The following LRRC7 variants were observed in gnomAD, a reference collection of about 807,000 sequenced individuals.
The protein encoded by LRRC7 is leucine rich repeat containing 7.
In LRRC7, 23 loss-of-function variants were observed where a neutral mutation model predicts 175.7. The ratio of observed to expected loss-of-function variants is 0.13; its 90% CI spans 0.09 to 0.19. The LOEUF is 0.19. Among genes scored for constraint, LRRC7 ranks in the 10% least tolerant of loss-of-function variants. LRRC7 has a pLI of 1.00. For missense variants in LRRC7, 1,354 were observed against 1,904.7 expected, an observed-to-expected ratio of 0.71 and a Z score of 5.38; for synonymous variants, 685 against 680.9, an observed-to-expected ratio of 1.01 and a Z score of -0.09.
intron 7 of LRRC7, among the ~76,000 whole-genome samples, chr1:69,918,780 G>T (rs1487684956): frequency 6.6e-6 from 1 of 152,104 alleles, no homozygotes; most frequent in Non-Finnish European, 1.5e-5. Flanking sequence ...GGAAACTACG[G>T]TCATATAAAT....
At chr1:69,960,885 G>A (rs1651003382) in intron 8 of LRRC7, among the ~76,000 whole-genome samples, 2 of 151,972 alleles carry the variant, frequency 1.3e-5, no homozygotes, top group Admixed American at 1.3e-4. Context: ...ATACTGAAGG[G>A]GCAAAAGCTG....
chr1:69,572,127 C>T (rs557198081), intron 1 of LRRC7, among the ~76,000 whole-genome samples: 3 of 152,144 alleles, frequency 2.0e-5, no homozygotes, highest in African/African-American at 7.2e-5. Context: ...AGCCGAGTTA[C>T]CATTAACTAA....
intron 7 of LRRC7, among the ~76,000 whole-genome samples, chr1:69,902,288 G>A (rs536309872): frequency 1.3e-4 from 20 of 152,198 alleles, no homozygotes; most frequent in Non-Finnish European, 2.1e-4. Context: ...CTTTAATTGG[G>A]ACCAGGTGTG....
chr1:69,650,012 G>A (rs182186674), intron 1 of LRRC7, among the ~76,000 whole-genome samples: 5 of 152,236 alleles, frequency 3.3e-5, no homozygotes, highest in Admixed American at 2.0e-4. Flanking sequence ...TACAGTTAGA[G>A]AATCCATCAA....
chr1:69,941,676 T>G (rs1238101799), intron 8 of LRRC7, among the ~76,000 whole-genome samples: 1 of 151,982 alleles, frequency 6.6e-6, no homozygotes, highest in African/African-American at 2.4e-5. Flanking sequence ...ACTACAAATT[T>G]TAAATTACAA....
rs1557842788 is a variant in LRRC7 at position 69,879,209 on chromosome 1, CT to C, written c.647+40929del. Among the ~76,000 whole-genome samples the C allele has an allele frequency of 1.5e-3, 105 of 71,458 alleles. 1 individual carries two copies. Among genetic ancestry groups the C allele is most frequent in the African/African-American group, 8.6e-3 (103 of 11,974 alleles). 46.9% of individuals were successfully genotyped at this position (71,458 alleles called of 152,430 possible). On this transcript the variant is annotated intron_variant, in intron 7 of 26. Coordinates refer to ENST00000651989, the MANE Select transcript of LRRC7 (RefSeq NM_001370785.2). ...CAATTTTGCTGTAAACCTAAAACTG[CT>C]TTAAAAAAAAAAAAAAAAAAAAAAA...
intron 3 of LRRC7, among the ~76,000 whole-genome samples, chr1:69,791,379 A>G (rs1429626777): frequency 6.6e-6 from 1 of 152,010 alleles, no homozygotes; most frequent in Non-Finnish European, 1.5e-5. Context: ...ATCTACCTCA[A>G]CCAGTGAATA....
intron 24 of LRRC7, among the ~76,000 whole-genome samples, chr1:70,078,795 C>T (rs1386978795): frequency 9.2e-5 from 9 of 98,338 alleles, no homozygotes; most frequent in African/African-American, 3.3e-4. Context: ...TACATATACG[C>T]GCGCGCGCGC....
chr1:69,757,386 G>A (rs1374851754), intron 2 of LRRC7, among the ~76,000 whole-genome samples: 1 of 151,926 alleles, frequency 6.6e-6, no homozygotes, highest in Non-Finnish European at 1.5e-5. Flanking sequence ...GGGTCTATGA[G>A]GATGGGAGTG....
intron 7 of LRRC7, among the ~76,000 whole-genome samples, chr1:69,888,805 G>T (rs56077904): frequency 0.022 from 3,380 of 152,096 alleles, 112 homozygotes; most frequent in African/African-American, 0.078. Context: ...GTAGCCCAAA[G>T]GAGACAAACT....
intron 7 of LRRC7, among the ~76,000 whole-genome samples, chr1:69,891,421 A>G (rs1645829285): frequency 6.6e-6 from 1 of 152,214 alleles, no homozygotes; most frequent in African/African-American, 2.4e-5. Flanking sequence ...CAATTACAAT[A>G]GTAGTAACAT....
chr1:69,812,687 C>T lies in LRRC7; in HGVS notation c.422-13061C>T, dbSNP rs184853415. 2.0e-3 allele frequency among the ~76,000 whole-genome samples: 300 copies of T among 152,162 alleles called. 2 individuals carry two copies. The highest frequency in any genetic ancestry group is 0.014 in the Middle Eastern group (4 of 294). ...TTATTAGCATATAACATTTATATCA[C>T]AGAGTAAACCATTTGGGCTGATGAT... On this transcript the variant is annotated intron_variant, in intron 4 of 26. Coordinates refer to ENST00000651989, the MANE Select transcript of LRRC7 (RefSeq NM_001370785.2).
At chr1:69,582,636 A>G (rs1646246179) in intron 1 of LRRC7, among the ~76,000 whole-genome samples, 1 of 152,156 alleles carries the variant, frequency 6.6e-6, no homozygotes, top group African/African-American at 2.4e-5. Context: ...GCCATCAGGA[A>G]CTCCAAGTCA....
chr1:70,022,991 A>G (rs1038615488), intron 16 of LRRC7, 135 bp from the exon 17 acceptor site: 11 of 1,148,240 alleles, frequency 9.6e-6, no homozygotes, highest in South Asian at 2.5e-5. Context: ...ACATGGATTT[A>G]AAACTAACTT....
At chr1:69,668,943 T>C (rs1658665283) in intron 1 of LRRC7, among the ~76,000 whole-genome samples, 1 of 152,234 alleles carries the variant, frequency 6.6e-6, no homozygotes, top group African/African-American at 2.4e-5. Context: ...ATAAATGTCT[T>C]CTTTTGAGAA....
At chr1:69,949,313 G>T (rs974242010) in intron 8 of LRRC7, among the ~76,000 whole-genome samples, 21 of 152,008 alleles carry the variant, frequency 1.4e-4, no homozygotes, top group Middle Eastern at 3.2e-3. Flanking sequence ...GGCTCACACG[G>T]GTAATCCCAA....
chr1:69,833,585 A>T (rs1332460547), intron 5 of LRRC7, among the ~76,000 whole-genome samples: 1 of 152,174 alleles, frequency 6.6e-6, no homozygotes, highest in African/African-American at 2.4e-5. Context: ...CATACAAGAA[A>T]GTATTGGACA....
chr1:70,007,093 C>A (rs1656058443), intron 11 of LRRC7, among the ~76,000 whole-genome samples: 1 of 152,142 alleles, frequency 6.6e-6, no homozygotes, highest in African/African-American at 2.4e-5. Flanking sequence ...ATCAACTCAA[C>A]GTTCAGCCTC....
intron 7 of LRRC7, among the ~76,000 whole-genome samples, chr1:69,857,573 A>G (rs1448446629): frequency 6.6e-6 from 1 of 152,184 alleles, no homozygotes; most frequent in African/African-American, 2.4e-5. Flanking sequence ...GGACCTCTTC[A>G]AGGAGAACTA....
Sources: gnomAD v4.1 joint callset for allele counts (sites outside exome capture counted in the v4.1 genomes callset) on GRCh38, gnomAD v4.1.1 for gene constraint, MANE v1.5 for transcripts, NCBI Gene and HGNC (gene_info 2026-07-23, HGNC 2026-07-21) for gene names.